Variants in SMG1 observed in about 807,000 individuals in gnomAD.
The protein encoded by SMG1 is SMG1 nonsense mediated mRNA decay associated PI3K related kinase, also known as serine/threonine-protein kinase SMG1.
SMG1 carries 22 observed loss-of-function variants against 419.9 expected under a neutral mutation model. The ratio of observed to expected loss-of-function variants is 0.05; its 90% CI spans 0.04 to 0.07. The LOEUF (loss-of-function observed/expected upper bound fraction) is 0.07, where lower values mean the gene tolerates loss of function less well. SMG1 is among the 10% of genes least tolerant of loss of function. The probability of loss-of-function intolerance (pLI) is 1.00; values close to 1 mark genes in which losing one functional copy is unlikely to be tolerated. For missense variants in SMG1, 3,185 were observed against 4,342.0 expected (o/e 0.73, Z 7.49); for synonymous variants, 1,538 against 1,553.5 (o/e 0.99, Z 0.23).
chr16:18,890,284 G>C (rs910210038), intron 5 of SMG1, among the ~76,000 whole-genome samples: 2 of 152,176 alleles, frequency 1.3e-5, no homozygotes, highest in African/African-American at 4.8e-5. Flanking sequence ...TGCATCAAGA[G>C]TTTATGCCAT....
intron 39 of SMG1, among the ~76,000 whole-genome samples, chr16:18,845,019 G>T (rs1233983059): frequency 6.6e-6 from 1 of 152,176 alleles, no homozygotes; most frequent in East Asian, 1.9e-4. Flanking sequence ...TGTTATAAGC[G>T]ACTATTTTAT....
chr16:18,876,083 T>G, intron 13 of SMG1, 41 bp downstream of exon 13: 4 of 1,605,448 alleles, frequency 2.5e-6, no homozygotes, highest in Non-Finnish European at 3.4e-6. Context: ...AGAAAAGGCT[T>G]AACTGTGGAT....
chr16:18,878,423 T>A (rs1271731174), intron 11 of SMG1: 7 of 150,240 alleles, frequency 4.7e-5, no homozygotes, highest in East Asian at 2.0e-4. Flanking sequence ...GCCTAGACAA[T>A]GTAGTGAGAC....
In SMG1 at chr16:18,805,812, AC is replaced by A. The variant is rs1403572419; in HGVS notation, c.*3756del. 1 of 152,266 alleles carries A rather than the reference AC, an allele frequency of 6.6e-6. No individual in the cohort carries two copies. Among genetic ancestry groups the A allele is most frequent in the Non-Finnish European group, 1.5e-5 (1 of 68,038 alleles). 9.4% of individuals were successfully genotyped at this position (152,266 alleles called of 1,614,324 possible). A position where few individuals can be genotyped will look rare whatever the true frequency, so the allele number is the denominator to read the frequency against. On this transcript the variant is annotated 3_prime_UTR_variant, in exon 63 of 63. Transcript: ENST00000446231. ...CAAGCTCAACAAGATAAAAAATTGA[AC>A]ACTGGTTTTCATACTCTAATTTTAT...
intron 35 of SMG1, 47 bp downstream of exon 35, chr16:18,849,902 T>A: frequency 6.4e-7 from 1 of 1,563,772 alleles, no homozygotes; most frequent in South Asian, 1.2e-5. Flanking sequence ...ATCTTATATA[T>A]CCTAGTGAGA....
chr16:18,819,467 G>C, intron 56 of SMG1, 35 bp downstream of exon 56: 1 of 1,598,060 alleles, frequency 6.3e-7, no homozygotes, highest in Admixed American at 1.7e-5. Context: ...TCCTGTAAAA[G>C]TGAATACAAA....
In SMG1 at chr16:18,817,443, G is replaced by C; in HGVS notation, c.9922C>G (p.His3308Asp). 1.3e-6 allele frequency: 2 copies of C among 1,583,838 alleles called. No individual in the cohort carries two copies. The highest frequency in any genetic ancestry group is 1.7e-6 in the Non-Finnish European group (2 of 1,163,626). The stretch of plus-strand genomic sequence containing the variant: ...GTTCTTGTTCGTAAACTTTCAAAAT[G>C]AATGATATTGCTGCAGAGAAATGTG... ...QVTFLCSNII[H>D]FESLRTRTAE... Residue 3308 changes from histidine (H) to aspartate (D), a missense_variant, in exon 57 of 63, where the codon CAT becomes GAT. This residue lies in a region of SMG1 where 737 missense variants were observed against 846.6 expected (regional missense o/e 0.87). Transcript: ENST00000446231.
chr16:18,858,154 A>G lies in SMG1; in HGVS notation c.4234+16T>C. The G allele has an allele frequency of 6.5e-7, 1 of 1,527,964 alleles. No individual in the cohort carries two copies. The highest frequency in any genetic ancestry group is 8.8e-7 in the Non-Finnish European group (1 of 1,141,340). The allele number at this position is 1,527,964 out of a possible 1,614,324, so 94.7% of individuals were successfully genotyped here. On this transcript the variant is annotated intron_variant, in intron 29 of 62. Coordinates refer to ENST00000446231, the MANE Select transcript of SMG1 (RefSeq NM_015092.5). ...ACACCTTTAATTTTCTCTTACAAGA[A>G]AAAAAAACCACTTACCTTTAATTTT... is the stretch of plus-strand genomic sequence containing the variant.
Position 18,832,965 on chromosome 16 carries a change from G to A in SMG1, c.8767C>T (p.His2923Tyr). ...NAAMGLEEET[H>Y]AHYIDVARLL... ...CTGGCAACATCGATGTAATGAGCATGTGTTTCTTCTTCCAGTCCCATAGCT... is the reference window on the plus strand; with the variant it reads ...CTGGCAACATCGATGTAATGAGCATATGTTTCTTCTTCCAGTCCCATAGCT... The change falls in exon 51 of 63, where the codon CAT (histidine) becomes TAT (tyrosine). Residue 2923 changes from histidine to tyrosine, a missense_variant. Physicochemically the swap from His to Tyr is moderately conservative, Grantham distance 83. Transcript: ENST00000446231. 3 of 1,613,906 alleles carry A rather than the reference G, an allele frequency of 1.9e-6. No homozygotes were observed. Among genetic ancestry groups the A allele is most frequent in the Non-Finnish European group, 1.7e-6 (2 of 1,179,844 alleles).
Position 18,842,350 on chromosome 16 carries a change from A to G in SMG1, c.6324T>C (p.Ala2108=). The G allele has an allele frequency of 1.2e-6, 2 of 1,613,992 alleles. No individual in the cohort carries two copies. Among genetic ancestry groups the G allele is most frequent in the Non-Finnish European group, 1.7e-6 (2 of 1,179,876 alleles). ...WLAAMTNTEI[A]LPGEVSARDT... is the part of the protein sequence containing the mutation. ...CTCTGGCTGAGACTTCCCCAGGAAGAGCAATTTCAGTGTTAGTCATGGCAG... is the reference window on the plus strand; with the variant it reads ...CTCTGGCTGAGACTTCCCCAGGAAGGGCAATTTCAGTGTTAGTCATGGCAG... The change falls in exon 40 of 63, where the codon GCT becomes GCC. Residue 2108 remains alanine (A), a synonymous_variant. Transcript: ENST00000446231.
intron 1 of SMG1, among the ~76,000 whole-genome samples, chr16:18,898,397 A>G (rs2037218150): frequency 6.6e-6 from 1 of 151,752 alleles, no homozygotes; most frequent in African/African-American, 2.4e-5. Context: ...GGGAAAATAA[A>G]ATCTATGGAA....
In SMG1 at chr16:18,845,420, A is replaced by C; in HGVS notation, c.6219+9T>G. ...CCATTTCAGTAGCATGCTTGGGATTATTCTGTACCTCTTTAAATGGAATCC... is the reference window on the plus strand; with the variant it reads ...CCATTTCAGTAGCATGCTTGGGATTCTTCTGTACCTCTTTAAATGGAATCC... On this transcript the variant is annotated intron_variant, in intron 39 of 62. Transcript: ENST00000446231. 2 of 1,611,844 alleles carry C rather than the reference A, an allele frequency of 1.2e-6. No individual in the cohort carries two copies. The highest frequency in any genetic ancestry group is 1.7e-6 in the Non-Finnish European group (2 of 1,178,346).
intron 35 of SMG1, 111 bp from the exon 36 acceptor site, chr16:18,849,489 G>C: frequency 3.0e-6 from 3 of 1,003,312 alleles, no homozygotes. Flanking sequence ...CATTAGTACG[G>C]ATTTTAAGAG....
Position 18,854,846 on chromosome 16 carries a change from A to C in SMG1, c.4293T>G (p.Phe1431Leu). The C allele has an allele frequency of 4.3e-6, 7 of 1,614,030 alleles. No individual in the cohort carries two copies. The highest frequency in any genetic ancestry group is 5.9e-6 in the Non-Finnish European group (7 of 1,179,894). Residue 1431 changes from phenylalanine (F) to leucine (L), a missense_variant, in exon 30 of 63, where the codon TTT becomes TTG. By Grantham distance (22) the Phe-to-Leu change is conservative (BLOSUM62 0). Coordinates refer to ENST00000446231, the MANE Select transcript of SMG1 (RefSeq NM_015092.5). ...GGGACACATTCCCTCGTTTTCTAGC[A>C]AATTTTGCTGCTGTTAGACCTAATT... ...LMELGLTAAK[F>L]ARKRGNVSLA...
At chr16:18,871,683 T>A (rs1596561345) in intron 15 of SMG1, among the ~76,000 whole-genome samples, 2 of 152,216 alleles carry the variant, frequency 1.3e-5, no homozygotes, top group African/African-American at 4.8e-5. Flanking sequence ...CAACGCAGCA[T>A]GATAATAGCA....
intron 25 of SMG1, among the ~76,000 whole-genome samples, chr16:18,862,882 G>A (rs1233277809): frequency 6.6e-6 from 1 of 152,162 alleles, no homozygotes; most frequent in Non-Finnish European, 1.5e-5. Context: ...TCTCACATCA[G>A]GTCTAGGGCC....
intron 22 of SMG1, among the ~76,000 whole-genome samples, chr16:18,867,188 G>A (rs2035558197): frequency 6.6e-6 from 1 of 152,012 alleles, no homozygotes; most frequent in Non-Finnish European, 1.5e-5. Context: ...TATTTATTGT[G>A]AGCCCACTTT....
At chr16:18,849,416 T>C (rs1354960222) in intron 35 of SMG1, 38 bp from the exon 36 acceptor site, 1 of 1,563,980 alleles carries the variant, frequency 6.4e-7, no homozygotes, top group Non-Finnish European at 8.7e-7. Context: ...TTTAAAGTTA[T>C]TTAAAACTAT....
Position 18,820,419 on chromosome 16 carries a change from G to T in SMG1, c.9742-765C>A, listed in dbSNP as rs144044391. On this transcript the variant is annotated intron_variant, in intron 55 of 62. Transcript: ENST00000446231. ...AGGTTTTACTATGTTGCCCAGGCTG[G>T]TCTCAAACTCCTGGCCTCAAGCAAT... is the stretch of plus-strand genomic sequence containing the variant. Among the ~76,000 whole-genome samples the T allele has an allele frequency of 6.8e-3, 1,028 of 151,196 alleles. 9 individuals are homozygous for T. Among genetic ancestry groups the T allele is most frequent in the African/African-American group, 0.023 (965 of 41,068 alleles).
Sources: gnomAD v4.1 joint callset for allele counts (sites outside exome capture counted in the v4.1 genomes callset) on GRCh38, gnomAD v4.1.1 for gene constraint, gnomAD v4.1.1 regional missense constraint, MANE v1.5 for transcripts, NCBI Gene and HGNC (gene_info 2026-07-23, HGNC 2026-07-21) for gene names.